The following CD33 variants were observed in gnomAD, a reference collection of about 807,000 sequenced individuals.
CD33 encodes CD33 molecule.
Under a neutral mutation model 31.4 loss-of-function variants are expected in CD33, and 25 were observed. The ratio of observed to expected loss-of-function variants is 0.80; its 90% CI spans 0.58 to 1.11. The LOEUF (loss-of-function observed/expected upper bound fraction) is 1.11, where lower values mean the gene tolerates loss of function less well. Ranked by LOEUF, CD33 falls within the 50% of genes most tolerant of loss-of-function variation. CD33 has a pLI of 0.00. For synonymous variants in CD33, 176 were observed against 180.6 expected (o/e 0.97, Z 0.20); for missense variants, 407 against 448.1 (o/e 0.91, Z 0.83).
intron 4 of CD33, among the ~76,000 whole-genome samples, chr19:51,227,946 T>G (rs1382208460): frequency 6.6e-6 from 1 of 152,218 alleles, no homozygotes; most frequent in Non-Finnish European, 1.5e-5. Context: ...TGGCACCAGT[T>G]TTCCCAGCAT....
At chr19:51,233,328 G>A (rs1440602299) in intron 4 of CD33, among the ~76,000 whole-genome samples, 2 of 152,218 alleles carry the variant, frequency 1.3e-5, no homozygotes, top group African/African-American at 4.8e-5. Context: ...GCCCTGAGTG[G>A]GACTATAAGA....
chr19:51,236,677 G>T (rs181181000), intron 6 of CD33: 2 of 152,288 alleles, frequency 1.3e-5, no homozygotes, highest in East Asian at 3.9e-4. Flanking sequence ...TCTCCATCTC[G>T]CTGATGGCAC....
the CD33 span, among the ~76,000 whole-genome samples, chr19:51,212,810 C>T: frequency 1.3e-5 from 2 of 152,186 alleles, no homozygotes; most frequent in Non-Finnish European, 2.9e-5. Context: ...TGCTCTGAGC[C>T]TTGGTGTGTT....
At chr19:51,211,910 G>C in the CD33 span, 2 of 1,437,092 alleles carry the variant, frequency 1.4e-6, no homozygotes, top group Admixed American at 3.4e-5. Context: ...TCTTCTCCTG[G>C]ATGTCAGCTG....
upstream of CD33, chr19:51,224,978 G>A: frequency 9.7e-7 from 1 of 1,028,880 alleles, no homozygotes; most frequent in Non-Finnish European, 1.5e-6. Context: ...CTGAGCATGT[G>A]TGGGTCTGAG....
intron 4 of CD33, among the ~76,000 whole-genome samples, chr19:51,232,274 C>T (rs929207418): frequency 3.3e-5 from 5 of 152,222 alleles, no homozygotes; most frequent in Non-Finnish European, 7.3e-5. Flanking sequence ...GAGAAACTCA[C>T]TGTTAGTCTA....
Position 51,225,473 on chromosome 19 carries a change from G to A in CD33, c.293G>A (p.Arg98Lys), listed in dbSNP as rs148118239. 9.9e-4 allele frequency: 1,596 copies of A among 1,613,938 alleles called. 2 individuals are homozygous for A. Among genetic ancestry groups the A allele is most frequent in the East Asian group, 1.3e-3 (60 of 44,874 alleles). The part of the protein sequence containing the change: ...GRFRLLGDPS[R>K]NNCSLSIVDA... ...TTCCGCCTCCTTGGGGATCCCAGTA[G>A]GAACAACTGCTCCCTGAGCATCGTA... Residue 98 changes from arginine to lysine, a missense_variant, in exon 2 of 7, where the codon AGG becomes AAG. By Grantham distance (26) the Arg-to-Lys change is conservative. Transcript: ENST00000262262.
rs1200849276 is a variant in CD33 at position 51,225,915 on chromosome 19, C to T, written c.531C>T (p.Phe177=). The T allele has an allele frequency of 1.9e-6, 3 of 1,614,082 alleles. No homozygotes were observed. The highest frequency in any genetic ancestry group is 2.5e-6 in the Non-Finnish European group (3 of 1,180,016). Residue 177 remains phenylalanine (F), a synonymous_variant, in exon 3 of 7, where the codon TTC becomes TTT. Coordinates refer to ENST00000262262, the MANE Select transcript of CD33 (RefSeq NM_001772.4). ...GTGAGCAGGGAACACCCCCGATCTTCTCCTGGTTGTCAGCTGCCCCCACCT... is the reference window on the plus strand; with the variant it reads ...GTGAGCAGGGAACACCCCCGATCTTTTCCTGGTTGTCAGCTGCCCCCACCT... The part of the protein sequence containing the change: ...WACEQGTPPI[F]SWLSAAPTSL...
At chr19:51,214,822 T>C in the CD33 span, among the ~76,000 whole-genome samples, 34 of 152,340 alleles carry the variant, frequency 2.2e-4, no homozygotes, top group Admixed American at 1.9e-3. Flanking sequence ...CTAAACAGAA[T>C]TTTAAATTTT....
At chr19:51,239,452 TC>T in intron 6 of CD33, 65 bp from the exon 7 acceptor site, 1 of 1,263,220 alleles carries the variant, frequency 7.9e-7, no homozygotes, top group Non-Finnish European at 1.1e-6. Flanking sequence ...TCATTGACCC[TC>T]TTTGCCTTCT....
chr19:51,224,921 T>C, upstream of CD33: 9 of 671,256 alleles, frequency 1.3e-5, no homozygotes, highest in South Asian at 1.6e-4. Context: ...GGCGGGTCTC[T>C]GGCATCTCTG....
the CD33 span, among the ~76,000 whole-genome samples, chr19:51,214,449 G>A: frequency 6.6e-6 from 1 of 151,778 alleles, no homozygotes; most frequent in East Asian, 1.9e-4. Flanking sequence ...GCCCACCTTG[G>A]CCTCCCAAAG....
At position 51,235,356 on chromosome 19, in the gene CD33, G is replaced by C. The variant is rs1247031042; in HGVS notation, c.842+103G>C. 5 of 1,257,086 alleles carry C rather than the reference G, an allele frequency of 4.0e-6. No homozygotes were observed. In the Admixed American group the frequency reaches 5.9e-5, roughly 15 times the overall value. 77.9% of individuals were successfully genotyped at this position (1,257,086 alleles called of 1,614,324 possible). A position where few individuals can be genotyped will look rare whatever the true frequency, so the allele number is the denominator to read the frequency against. Reference sequence around the variant, plus strand: ...GTGAGGGCTGGAGAAAGGGCAGGGGGTGTGATGATGTACAGAATCCAGCCT... The same window carrying C: ...GTGAGGGCTGGAGAAAGGGCAGGGGCTGTGATGATGTACAGAATCCAGCCT... On this transcript the variant is annotated intron_variant, in intron 5 of 6. Coordinates refer to ENST00000262262, the MANE Select transcript of CD33 (RefSeq NM_001772.4).
At chr19:51,213,916 G>A in the CD33 span, among the ~76,000 whole-genome samples, 53 of 142,044 alleles carry the variant, frequency 3.7e-4, no homozygotes, top group Middle Eastern at 0.012. Context: ...CTTGACTGCA[G>A]TGGTGCAATC....
intron 6 of CD33, chr19:51,238,241 T>A (rs1420150854): frequency 6.6e-6 from 1 of 152,164 alleles, no homozygotes; most frequent in Non-Finnish European, 1.5e-5. Flanking sequence ...TATTTTCAAG[T>A]GTATATCAAA....
At chr19:51,214,298 A>T in the CD33 span, among the ~76,000 whole-genome samples, 1 of 149,992 alleles carries the variant, frequency 6.7e-6, no homozygotes, top group African/African-American at 2.5e-5. Context: ...TCCAGGTTCA[A>T]GCGATTCTCC....
chr19:51,223,628 T>TA (rs1439157991), upstream of CD33, among the ~76,000 whole-genome samples: 1 of 152,188 alleles, frequency 6.6e-6, no homozygotes, highest in Non-Finnish European at 1.5e-5. Flanking sequence ...GATGAGCCTC[T>TA]AAAAAAACTT....
the CD33 span, chr19:51,211,999 A>G: frequency 9.2e-7 from 1 of 1,092,214 alleles, no homozygotes; most frequent in Non-Finnish European, 1.4e-6. Flanking sequence ...CACGGCACCA[A>G]CCTCACCTGT....
At chr19:51,225,022 T>C (rs1401209380), upstream of CD33, 3 of 1,479,488 alleles carry the variant, frequency 2.0e-6, no homozygotes, top group East Asian at 2.4e-5. Flanking sequence ...GGTCTCCTGC[T>C]CCTCCCCAGC....
Sources: gnomAD v4.1 joint callset for allele counts (sites outside exome capture counted in the v4.1 genomes callset) on GRCh38, gnomAD v4.1.1 for gene constraint, MANE v1.5 for transcripts, NCBI Gene and HGNC (gene_info 2026-07-23, HGNC 2026-07-21) for gene names.